DKK4: variants seen among roughly 807,000 people sequenced by gnomAD.
The protein encoded by DKK4 is dickkopf-related protein 4.
In DKK4, 15 loss-of-function variants were observed where a neutral mutation model predicts 14.5. That is an observed-to-expected ratio of 1.03 (90% CI 0.69 to 1.59). The LOEUF is 1.59. DKK4 is among the 40% of genes most tolerant of loss of function. DKK4 has a pLI of 0.00. For synonymous variants in DKK4, 89 were observed against 105.2 expected (o/e 0.85, Z 0.94); for missense variants, 272 against 280.3 (o/e 0.97, Z 0.21).
chr8:42,380,010 T>C (rs1270872572), upstream of DKK4, among the ~76,000 whole-genome samples: 1 of 152,080 alleles, frequency 6.6e-6, no homozygotes, highest in Admixed American at 6.6e-5. Flanking sequence ...GGGAGCAGCC[T>C]GAACAACATA....
At chr8:42,382,276 T>C in the DKK4 span, among the ~76,000 whole-genome samples, 10 of 152,148 alleles carry the variant, frequency 6.6e-5, no homozygotes, top group African/African-American at 1.7e-4. Flanking sequence ...TTTTCAGATT[T>C]CCCAAGGCTG....
At chr8:42,376,906 T>C (rs780057959) in intron 1 of DKK4, 29 bp downstream of exon 1, 8 of 1,588,016 alleles carry the variant, frequency 5.0e-6, no homozygotes, top group Non-Finnish European at 6.9e-6. Flanking sequence ...AGCAGTCCCG[T>C]ACCTCGCCCC....
the DKK4 span, among the ~76,000 whole-genome samples, chr8:42,383,816 G>T: frequency 6.6e-6 from 1 of 152,122 alleles, no homozygotes; most frequent in Non-Finnish European, 1.5e-5. Flanking sequence ...GGTGGTGCGC[G>T]CCTGTAATCC....
chr8:42,376,904 C>CG, intron 1 of DKK4, 31 bp downstream of exon 1: 1 of 1,580,816 alleles, frequency 6.3e-7, no homozygotes, highest in Non-Finnish European at 8.7e-7. Context: ...TCAGCAGTCC[C>CG]GTACCTCGCC....
chr8:42,388,006 C>T, the DKK4 span, among the ~76,000 whole-genome samples: 5 of 152,150 alleles, frequency 3.3e-5, no homozygotes, highest in African/African-American at 1.2e-4. Flanking sequence ...GCCATCCATC[C>T]TTCCACCTCT....
Position 42,375,832 on chromosome 8 carries a change from T to C in DKK4, c.112-2A>G, listed in dbSNP as rs368117672. The stretch of plus-strand genomic sequence containing the variant: ...CGTGTCAGACAGGCACTGTGAGCCC[T>C]GTGGAGGGAATCTGTTATCACAAGG... On this transcript the variant is annotated splice_acceptor_variant, in intron 1 of 3. Coordinates refer to ENST00000220812, the MANE Select transcript of DKK4 (RefSeq NM_014420.3). LOFTEE classifies it high-confidence loss of function. 54 of 1,613,656 alleles carry C rather than the reference T, an allele frequency of 3.3e-5. No individual in the cohort carries two copies. The highest frequency in any genetic ancestry group is 4.3e-5 in the Non-Finnish European group (51 of 1,179,850).
At chr8:42,379,297 T>C (rs1824619750), upstream of DKK4, among the ~76,000 whole-genome samples, 1 of 139,880 alleles carries the variant, frequency 7.1e-6, no homozygotes, top group Admixed American at 7.4e-5. Context: ...ACCTGTAGTT[T>C]CAGCAACTCA....
chr8:42,380,040 A>G (rs1401830511), upstream of DKK4, among the ~76,000 whole-genome samples: 1 of 152,052 alleles, frequency 6.6e-6, no homozygotes, highest in African/African-American at 2.4e-5. Context: ...TGTCTCCACA[A>G]AAAATAAAAA....
the DKK4 span, among the ~76,000 whole-genome samples, chr8:42,386,188 C>T: frequency 1.3e-5 from 2 of 152,046 alleles, no homozygotes; most frequent in Non-Finnish European, 2.9e-5. Flanking sequence ...CTTCTGGGCT[C>T]AAGTGATCCT....
upstream of DKK4, among the ~76,000 whole-genome samples, chr8:42,380,807 G>A (rs745755823): frequency 1.6e-5 from 1 of 64,244 alleles, no homozygotes; most frequent in African/African-American, 2.9e-4. Flanking sequence ...AAAAAGAAAA[G>A]GAAGGAAGGA....
At chr8:42,374,600 G>A (rs1824521183) in intron 3 of DKK4, among the ~76,000 whole-genome samples, 161 bp downstream of exon 3, 1 of 152,100 alleles carries the variant, frequency 6.6e-6, no homozygotes, top group Non-Finnish European at 1.5e-5. Flanking sequence ...TACTCTCTAC[G>A]TGACCCCCAC....
chr8:42,375,914 G>T, intron 1 of DKK4, 84 bp from the exon 2 acceptor site: 1 of 1,519,052 alleles, frequency 6.6e-7, no homozygotes, highest in South Asian at 1.2e-5. Context: ...GGAGGCGGAG[G>T]GAGCCAAAGG....
At chr8:42,376,516 C>A (rs1824567862) in intron 1 of DKK4, among the ~76,000 whole-genome samples, 1 of 152,202 alleles carries the variant, frequency 6.6e-6, no homozygotes, top group South Asian at 2.1e-4. Flanking sequence ...TGTTTAAATT[C>A]TCATTCCCAT....
At chr8:42,377,313 T>G (rs1824584547), upstream of DKK4, 1 of 433,560 alleles carries the variant, frequency 2.3e-6, no homozygotes, top group Admixed American at 3.7e-5. Flanking sequence ...CACACAGGCT[T>G]CAACAAATCC....
chr8:42,390,674 C>T, the DKK4 span, among the ~76,000 whole-genome samples: 2 of 152,280 alleles, frequency 1.3e-5, no homozygotes, highest in East Asian at 3.9e-4. Flanking sequence ...GTTCACTAGC[C>T]TTTTTCCTAA....
In DKK4 at chr8:42,377,070, G is replaced by A; in HGVS notation, c.-25C>T. ...TCCTTCAATCCCGGGGCTCCTGGAGGGTCCCAGCACTGTGCGTCACCAAAG... is the reference window on the plus strand; with the variant it reads ...TCCTTCAATCCCGGGGCTCCTGGAGAGTCCCAGCACTGTGCGTCACCAAAG... On this transcript the variant is annotated 5_prime_UTR_variant, in exon 1 of 4. Coordinates refer to ENST00000220812, the MANE Select transcript of DKK4 (RefSeq NM_014420.3). 1.3e-6 allele frequency: 2 copies of A among 1,599,506 alleles called. No individual in the cohort carries two copies. Among genetic ancestry groups the A allele is most frequent in the Non-Finnish European group, 1.7e-6 (2 of 1,171,188 alleles).
At chr8:42,381,096 C>T (rs1824672925), upstream of DKK4, among the ~76,000 whole-genome samples, 1 of 151,648 alleles carries the variant, frequency 6.6e-6, no homozygotes, top group Non-Finnish European at 1.5e-5. Flanking sequence ...GCCCCGATGA[C>T]AATGAAGAGG....
In DKK4 at chr8:42,375,739, C is replaced by A. The variant is rs774054532; in HGVS notation, c.203G>T (p.Gly68Val). Residue 68 changes from glycine (G) to valine (V), a missense_variant, in exon 2 of 4, where the codon GGG becomes GTG. Transcript: ENST00000220812. ...DEKPFCATCRGLRRRCQRDAM... is the reference protein window; with the variant it reads ...DEKPFCATCRVLRRRCQRDAM... Reference sequence around the variant, plus strand: ...ATCTCGCTGGCACCTCCTCCGCAACCCACGACATGTAGCACAGAACGGCTT... The same window carrying A: ...ATCTCGCTGGCACCTCCTCCGCAACACACGACATGTAGCACAGAACGGCTT... The A allele has an allele frequency of 1.9e-6, 3 of 1,614,060 alleles. No homozygotes were observed. The African/African-American group carries it at 4.0e-5, about 22-fold the overall frequency.
chr8:42,376,322 C>T (rs1384220760), intron 1 of DKK4, among the ~76,000 whole-genome samples: 1 of 152,026 alleles, frequency 6.6e-6, no homozygotes, highest in African/African-American at 2.4e-5. Flanking sequence ...AAAGAGATAC[C>T]GAAGATCAAT....
Sources: gnomAD v4.1 joint callset for allele counts (sites outside exome capture counted in the v4.1 genomes callset) on GRCh38, gnomAD v4.1.1 for gene constraint, MANE v1.5 for transcripts, NCBI Gene and HGNC (gene_info 2026-07-23, HGNC 2026-07-21) for gene names.